IGSF3: variants seen among roughly 807,000 people sequenced by gnomAD.
IGSF3 encodes the protein glu-Trp-Ile EWI motif-containing protein 3.
A neutral mutation model predicts 114.4 loss-of-function variants in IGSF3; 23 were observed. That is an observed-to-expected ratio of 0.20 (90% CI 0.14 to 0.28). The LOEUF (loss-of-function observed/expected upper bound fraction) is 0.28. Among genes scored for constraint, IGSF3 ranks in the 10% least tolerant of loss-of-function variants. The pLI is 1.00. For missense variants in IGSF3, 1,172 were observed against 1,591.5 expected, an observed-to-expected ratio of 0.74 and a Z score of 4.48; for synonymous variants, 571 against 645.2, an observed-to-expected ratio of 0.88 and a Z score of 1.74.
chr1:116,631,798 G>A (rs1289709488), intron 2 of IGSF3, among the ~76,000 whole-genome samples: 2 of 152,180 alleles, frequency 1.3e-5, no homozygotes, highest in African/African-American at 4.8e-5. Context: ...GGGAGCAAAG[G>A]TCAACAGTCA....
At position 116,633,540 on chromosome 1, in the gene IGSF3, C is replaced by T. The variant is rs1442330103; in HGVS notation, c.44-17083G>A. 1.3e-5 allele frequency among the ~76,000 whole-genome samples: 2 copies of T among 152,004 alleles called. No individual in the cohort carries two copies. Among genetic ancestry groups the T allele is most frequent in the Non-Finnish European group, 2.9e-5 (2 of 67,996 alleles). On this transcript the variant is annotated intron_variant, in intron 2 of 10. Transcript: ENST00000369486. The surrounding 1 kb of genome is among the most constrained non-coding windows in gnomAD (Gnocchi z 4.3). ...CCTGCATTTCCCTAACTATATATTC[C>T]CCTATGCCATGGAAAGGTGCATGTA...
In IGSF3 at chr1:116,616,335, G is replaced by A. The variant is rs1472091802; in HGVS notation, c.166C>T (p.Gln56Ter). Residue 56 changes from glutamine to a stop codon, truncating the protein, a stop_gained, in exon 3 of 11, where the codon CAG becomes TAG. Transcript: ENST00000369486. LOFTEE classifies it high-confidence loss of function. This position sits in a 1 kb window ranked among gnomAD's most constrained non-coding sequence, Gnocchi z 6.6. ...GYQGPSEQNF[Q>*]WSIYLPSSPE... ...GACGAAGGCAGGTAAATGGACCACT[G>A]GAAATTCTGCTCAGAAGGTCCCTGG... The A allele has an allele frequency of 6.2e-7, 1 of 1,612,022 alleles. No individual in the cohort carries two copies. Among genetic ancestry groups the A allele is most frequent in the African/African-American group, 1.3e-5 (1 of 74,866 alleles).
intron 8 of IGSF3, among the ~76,000 whole-genome samples, chr1:116,587,050 C>T (rs1659879799): frequency 6.6e-6 from 1 of 151,956 alleles, no homozygotes; most frequent in African/African-American, 2.4e-5. Context: ...AACAGACTCA[C>T]TGCATTCAGC....
Position 116,616,753 on chromosome 1 carries a change from T to C in IGSF3, c.44-296A>G, listed in dbSNP as rs4044859. Among the ~76,000 whole-genome samples, 13 of 152,356 alleles carry C rather than the reference T, an allele frequency of 8.5e-5. No individual in the cohort carries two copies. The East Asian group carries it at 1.3e-3, about 16-fold the overall frequency. On this transcript the variant is annotated intron_variant, in intron 2 of 10. Coordinates refer to ENST00000369486, the MANE Select transcript of IGSF3 (RefSeq NM_001007237.3). The surrounding 1 kb of genome is among the most constrained non-coding windows in gnomAD (Gnocchi z 6.6). ...TTAGCCCCTCTGTTTGTCATTTATA[T>C]GGCAGTTTTATATCTATTTATTAAT... is the stretch of plus-strand genomic sequence containing the variant.
chr1:116,643,512 G>A (rs1648204731), intron 2 of IGSF3, among the ~76,000 whole-genome samples: 1 of 152,270 alleles, frequency 6.6e-6, no homozygotes. Context: ...TCAGCCTGAG[G>A]CTAGCAGGAG....
rs2101280101 is a variant in IGSF3 at position 116,577,889 on chromosome 1, C to T, written c.3335-327G>A. ...TGCATCTAGAATGGTGAAGAAGCTG[C>T]TCTGGTTCAGTCGGAGCCTCCTGCA... On this transcript the variant is annotated intron_variant, in intron 10 of 10. Transcript: ENST00000369486. This position sits in a 1 kb window ranked among gnomAD's most constrained non-coding sequence, Gnocchi z 5.7. Among the ~76,000 whole-genome samples the T allele has an allele frequency of 6.6e-6, 1 of 152,256 alleles. No individual in the cohort carries two copies. Among genetic ancestry groups the T allele is most frequent in the East Asian group, 1.9e-4 (1 of 5,186 alleles).
At chr1:116,581,232 C>A (rs906483585) in intron 9 of IGSF3, among the ~76,000 whole-genome samples, 9 of 147,948 alleles carry the variant, frequency 6.1e-5, no homozygotes, top group Non-Finnish European at 1.3e-4. Flanking sequence ...CCTGCTTAGG[C>A]GGGAGACACA....
At position 116,629,584 on chromosome 1, in the gene IGSF3, G is replaced by T. The variant is rs755458029; in HGVS notation, c.44-13127C>A. ...GGGAGGTGGCCAAGGAGCCTGAAGT[G>T]GGGGAGGGGGGCTGATGTGAAATAG... On this transcript the variant is annotated intron_variant, in intron 2 of 10. Transcript: ENST00000369486. This position sits in a 1 kb window ranked among gnomAD's most constrained non-coding sequence, Gnocchi z 4.3. Among the ~76,000 whole-genome samples the T allele has an allele frequency of 3.3e-5, 5 of 152,170 alleles. No homozygotes were observed. Among genetic ancestry groups the T allele is most frequent in the African/African-American group, 4.8e-5 (2 of 41,432 alleles).
At position 116,664,468 on chromosome 1, in the gene IGSF3, TCTC is replaced by T. The variant is rs1173976686; in HGVS notation, c.43+1813_43+1815del. ...CCTTGTTTTCCCATTGATGGTTACT[TCTC>T]CTGCCCTGGGCCCCACCCTGCCACT... On this transcript the variant is annotated intron_variant, in intron 2 of 10. Transcript: ENST00000369486. This position sits in a 1 kb window ranked among gnomAD's most constrained non-coding sequence, Gnocchi z 4.6. Among the ~76,000 whole-genome samples the T allele has an allele frequency of 6.6e-6, 1 of 152,008 alleles. No homozygotes were observed. Among genetic ancestry groups the T allele is most frequent in the Non-Finnish European group, 1.5e-5 (1 of 67,986 alleles).
intron 2 of IGSF3, among the ~76,000 whole-genome samples, chr1:116,652,800 A>C (rs2101072539): frequency 6.6e-6 from 1 of 152,338 alleles, no homozygotes; most frequent in East Asian, 1.9e-4. Flanking sequence ...TGCAGATCTT[A>C]TCCATTTTTC....
intron 10 of IGSF3, among the ~76,000 whole-genome samples, chr1:116,578,033 C>A (rs536380425): frequency 5.2e-4 from 79 of 152,286 alleles, no homozygotes; most frequent in African/African-American, 1.5e-3. Context: ...ATGACACTTA[C>A]CTGATTAATG....
intron 2 of IGSF3, among the ~76,000 whole-genome samples, chr1:116,630,669 G>C (rs1247570513): frequency 1.3e-5 from 2 of 152,192 alleles, no homozygotes; most frequent in South Asian, 2.1e-4. Context: ...TACAGTCTAG[G>C]AGGCAGAGAT....
In IGSF3 at chr1:116,584,577, T is replaced by A; in HGVS notation, c.2848+68A>T. 6.9e-7 allele frequency: 1 copy of A among 1,440,264 alleles called. No homozygotes were observed. 89.2% of individuals were successfully genotyped at this position (1,440,264 alleles called of 1,614,324 possible). A position where few individuals can be genotyped will look rare whatever the true frequency, so the allele number is the denominator to read the frequency against. ...TTATTAATAAACTAATTTTATCCAGTGCATAAAACAGTATACTTAAATGGG... is the reference window on the plus strand; with the variant it reads ...TTATTAATAAACTAATTTTATCCAGAGCATAAAACAGTATACTTAAATGGG... On this transcript the variant is annotated intron_variant, in intron 9 of 10. Transcript: ENST00000369486. The surrounding 1 kb of genome is among the most constrained non-coding windows in gnomAD (Gnocchi z 5.8).
In IGSF3 at chr1:116,665,476, G is replaced by A. The variant is rs942633621; in HGVS notation, c.43+808C>T. 1.3e-5 allele frequency among the ~76,000 whole-genome samples: 2 copies of A among 152,138 alleles called. No individual in the cohort carries two copies. The highest frequency in any genetic ancestry group is 2.1e-4 in the South Asian group (1 of 4,826). ...CCTGAGATGTGTTCTAAGACAGCAC[G>A]CTGAAGACAGTGCTCAATGGCATAA... On this transcript the variant is annotated intron_variant, in intron 2 of 10. Transcript: ENST00000369486. This position sits in a 1 kb window ranked among gnomAD's most constrained non-coding sequence, Gnocchi z 4.0.
intron 5 of IGSF3, among the ~76,000 whole-genome samples, chr1:116,606,945 T>G (rs1240334366): frequency 6.6e-6 from 1 of 152,068 alleles, no homozygotes; most frequent in Non-Finnish European, 1.5e-5. Flanking sequence ...ATCCAGTTGA[T>G]GAGAAAAGAA....
rs757540132 is a variant in IGSF3 at position 116,603,580 on chromosome 1, C to T, written c.1624+44G>A. 1.9e-6 allele frequency: 3 copies of T among 1,576,128 alleles called. No individual in the cohort carries two copies. In the South Asian group the frequency reaches 3.5e-5, roughly 18 times the overall value. ...CAGGATAAGGTGTTTGACACTGAAG[C>T]TGTCTCCATGCCAGACCCACTGCCA... is the stretch of plus-strand genomic sequence containing the variant. On this transcript the variant is annotated intron_variant, in intron 6 of 10. Transcript: ENST00000369486. The surrounding 1 kb of genome is among the most constrained non-coding windows in gnomAD (Gnocchi z 7.1).
rs1263936675 is a variant in IGSF3, at chr1:116,662,393, T to G, written c.43+3891A>C. ...GCTTAGGCAAGTTACTTAACCTCCC[T>G]AAGCTTCAATCTCCCCATCTATAAA... On this transcript the variant is annotated intron_variant, in intron 2 of 10. Transcript: ENST00000369486. The surrounding 1 kb of genome is among the most constrained non-coding windows in gnomAD (Gnocchi z 4.3). Among the ~76,000 whole-genome samples the G allele has an allele frequency of 6.6e-6, 1 of 152,140 alleles. No individual in the cohort carries two copies. The highest frequency in any genetic ancestry group is 1.5e-5 in the Non-Finnish European group (1 of 68,024).
rs762101003 is a variant in IGSF3 at position 116,584,847 on chromosome 1, T to C, written c.2646A>G (p.Ala882=). The part of the protein sequence containing the change: ...RDATFHYGEQ[A]AKNNLKGRLH... The stretch of plus-strand genomic sequence containing the variant: ...GCCGCCCCTTCAGATTGTTCTTGGC[T>C]GCCTGCTCTCCATAGTGGAAGGTGG... The change falls in exon 9 of 11, where the codon GCA becomes GCG. Residue 882 remains alanine, a synonymous_variant. Transcript: ENST00000369486. The surrounding 1 kb of genome is among the most constrained non-coding windows in gnomAD (Gnocchi z 5.8). 6.2e-7 allele frequency: 1 copy of C among 1,614,252 alleles called. No individual in the cohort carries two copies. Among genetic ancestry groups the C allele is most frequent in the South Asian group, 1.1e-5 (1 of 91,086 alleles).
chr1:116,637,583 T>C (rs762250105), intron 2 of IGSF3, among the ~76,000 whole-genome samples: 3 of 152,168 alleles, frequency 2.0e-5, no homozygotes, highest in Non-Finnish European at 4.4e-5. Flanking sequence ...CGACCTTCTT[T>C]CAGTGCAGAC....
Sources: allele counts gnomAD v4.1 joint callset (sites outside exome capture counted in the v4.1 genomes callset), GRCh38; gene constraint gnomAD v4.1.1; non-coding constraint Gnocchi (gnomAD v3.1); transcripts MANE v1.5; gene names NCBI Gene and HGNC (gene_info 2026-07-23, HGNC 2026-07-21).